The following ELMO1 variants were observed in gnomAD, a reference collection of about 807,000 sequenced individuals.
The protein encoded by ELMO1 is engulfment and cell motility 1.
A neutral mutation model predicts 98.9 loss-of-function variants in ELMO1; 26 were observed. The observed-to-expected ratio is 0.26, with a 90% CI of 0.19 to 0.36. The LOEUF (loss-of-function observed/expected upper bound fraction) is 0.36. ELMO1 is among the 10% of genes least tolerant of loss of function. The pLI is 1.00. For synonymous variants in ELMO1, 346 were observed against 346.0 expected (o/e 1.00, Z 0.00); for missense variants, 627 against 935.2 (o/e 0.67, Z 4.30).
At chr7:37,065,073 C>A (rs79256272) in intron 15 of ELMO1, among the ~76,000 whole-genome samples, 4,719 of 152,196 alleles carry the variant, frequency 0.031, 123 homozygotes, top group African/African-American at 0.066. Flanking sequence ...CCAAACACCA[C>A]CATGAACAAA....
At chr7:37,293,742 A>T (rs4634520) in intron 4 of ELMO1, among the ~76,000 whole-genome samples, 72,471 of 85,968 alleles carry the variant, frequency 0.84, 30,809 homozygotes, top group South Asian at 0.93. Context: ...ATAATAATAA[A>T]AAAAAAGAGT....
chr7:36,929,390 T>C (rs1031283145), intron 16 of ELMO1, among the ~76,000 whole-genome samples: 6 of 152,174 alleles, frequency 3.9e-5, no homozygotes, highest in African/African-American at 1.2e-4. Context: ...CACCAAAGCA[T>C]TGGTAAATAC....
chr7:37,366,827 C>T, intron 1 of ELMO1, among the ~76,000 whole-genome samples: 1 of 152,206 alleles, frequency 6.6e-6, no homozygotes, highest in Non-Finnish European at 1.5e-5. Context: ...GAAGCTTCTT[C>T]CCATCAATCA....
chr7:37,003,758 C>T (rs1424297), intron 16 of ELMO1, among the ~76,000 whole-genome samples: 34,864 of 152,100 alleles, frequency 0.23, 4,794 homozygotes, highest in Middle Eastern at 0.41. Context: ...TCTGGTATTC[C>T]GCAGAAAACA....
At chr7:36,969,825 A>ATT (rs1423898184) in intron 16 of ELMO1, among the ~76,000 whole-genome samples, 1 of 152,142 alleles carries the variant, frequency 6.6e-6, no homozygotes, top group Non-Finnish European at 1.5e-5. Flanking sequence ...AATAAATCAT[A>ATT]TTTCTTTAAT....
At chr7:36,964,774 C>T (rs891331827) in intron 16 of ELMO1, among the ~76,000 whole-genome samples, 2 of 152,162 alleles carry the variant, frequency 1.3e-5, no homozygotes, top group African/African-American at 2.4e-5. Context: ...CCTGCGCATA[C>T]ACAACGCATA....
At chr7:36,917,037 T>C (rs559859895) in intron 16 of ELMO1, among the ~76,000 whole-genome samples, 2 of 152,234 alleles carry the variant, frequency 1.3e-5, no homozygotes, top group South Asian at 2.1e-4. Flanking sequence ...ATCTGACTGA[T>C]AGAAGCTGCA....
intron 15 of ELMO1, among the ~76,000 whole-genome samples, chr7:37,094,835 G>C (rs143407107): frequency 7.9e-5 from 12 of 152,292 alleles, no homozygotes; most frequent in African/African-American, 9.6e-5. Flanking sequence ...AGCACAGTGC[G>C]GTTTGTGAGT....
chr7:37,313,353 C>G (rs1798983779), intron 4 of ELMO1, among the ~76,000 whole-genome samples: 1 of 152,134 alleles, frequency 6.6e-6, no homozygotes, highest in South Asian at 2.1e-4. Context: ...GCTTCCCGAA[C>G]AGCTTGGATT....
intron 16 of ELMO1, among the ~76,000 whole-genome samples, chr7:36,970,180 A>AATACACAC (rs1351505023): frequency 2.1e-5 from 3 of 144,242 alleles, no homozygotes; most frequent in African/African-American, 7.8e-5. Flanking sequence ...TCATACACTT[A>AATACACAC]ACACACACAC....
rs528450990 is a variant in ELMO1, at chr7:36,857,399, G to A, written c.1984-1648C>T. Reference sequence around the variant, plus strand: ...AAAACTCTAACGAACACGCAGGTACGGGTGCCACTGAACTCTACATTCTCA... The same window carrying A: ...AAAACTCTAACGAACACGCAGGTACAGGTGCCACTGAACTCTACATTCTCA... On this transcript the variant is annotated intron_variant, in intron 21 of 21. Coordinates refer to ENST00000310758, the MANE Select transcript of ELMO1 (RefSeq NM_014800.11). Among the ~76,000 whole-genome samples, 11 of 152,178 alleles carry A rather than the reference G, an allele frequency of 7.2e-5. 1 individual carries two copies. In the South Asian group the frequency reaches 1.9e-3, roughly 26 times the overall value.
At position 37,304,695 on chromosome 7, in the gene ELMO1, G is replaced by A. The variant is rs576996268; in HGVS notation, c.192+10155C>T. On this transcript the variant is annotated intron_variant, in intron 4 of 21. Transcript: ENST00000310758. ...TGCGCCACTGCGCTTCAGCCTGGGC[G>A]ACAGAGCGAGACTCTGTCTCCAAAA... 3.9e-5 allele frequency among the ~76,000 whole-genome samples: 6 copies of A among 152,226 alleles called. No homozygotes were observed. In the East Asian group the frequency reaches 7.7e-4, roughly 20 times the overall value.
intron 15 of ELMO1, among the ~76,000 whole-genome samples, chr7:37,050,661 A>ACACAC (rs1562922933): frequency 4.5e-4 from 53 of 116,780 alleles, no homozygotes; most frequent in African/African-American, 1.7e-3. Context: ...CACACACACA[A>ACACAC]AAGGTAACTA....
chr7:37,170,175 G>A (rs1318510725), intron 13 of ELMO1, among the ~76,000 whole-genome samples: 1 of 152,216 alleles, frequency 6.6e-6, no homozygotes, highest in African/African-American at 2.4e-5. Context: ...AAAGTGCTGG[G>A]ATTACAGGCG....
At chr7:37,292,710 GGCA>G (rs1562588065) in intron 4 of ELMO1, among the ~76,000 whole-genome samples, 1 of 91,760 alleles carries the variant, frequency 1.1e-5, no homozygotes, top group Non-Finnish European at 2.5e-5. Context: ...GTCTCCGCCC[GGCA>G]GCCGCCCCGT....
intron 11 of ELMO1, among the ~76,000 whole-genome samples, chr7:37,214,010 G>T (rs577563018): frequency 1.3e-5 from 2 of 152,288 alleles, no homozygotes; most frequent in South Asian, 4.1e-4. Context: ...GAGAGCAAAT[G>T]CTCGTGAATT....
intron 7 of ELMO1, among the ~76,000 whole-genome samples, chr7:37,241,730 C>T (rs756145424): frequency 8.5e-5 from 13 of 152,100 alleles, no homozygotes; most frequent in East Asian, 3.8e-4. Flanking sequence ...TCTACTTAAA[C>T]GGAAGATTAT....
chr7:37,261,035 T>C (rs1375442237), intron 5 of ELMO1, among the ~76,000 whole-genome samples: 1 of 152,262 alleles, frequency 6.6e-6, no homozygotes, highest in East Asian at 1.9e-4. Context: ...GCATTTACTA[T>C]ATAGGTTATG....
intron 4 of ELMO1, among the ~76,000 whole-genome samples, chr7:37,304,378 C>G (rs1455929356): frequency 6.6e-6 from 1 of 151,958 alleles, no homozygotes; most frequent in Non-Finnish European, 1.5e-5. Context: ...TGTGTGTGTA[C>G]ATATGCACTT....
Sources: allele counts gnomAD v4.1 joint callset (sites outside exome capture counted in the v4.1 genomes callset), GRCh38; gene constraint gnomAD v4.1.1; transcripts MANE v1.5; gene names NCBI Gene and HGNC (gene_info 2026-07-23, HGNC 2026-07-21).